The following ZBTB49 variants were observed in gnomAD, a reference collection of about 807,000 sequenced individuals.
The protein encoded by ZBTB49 is zinc finger and BTB domain-containing protein 49.
A neutral mutation model predicts 57.5 loss-of-function variants in ZBTB49; 43 were observed. The observed-to-expected ratio is 0.75, with a 90% CI of 0.59 to 0.97. ZBTB49 has a LOEUF of 0.97. Among genes scored for constraint, ZBTB49 ranks in the 50% least tolerant of loss-of-function variants. The pLI, the probability that ZBTB49 is intolerant of heterozygous loss-of-function variation, is 0.00. For missense variants in ZBTB49, 938 were observed against 947.7 expected, an observed-to-expected ratio of 0.99 and a Z score of 0.13; for synonymous variants, 369 against 362.1, an observed-to-expected ratio of 1.02 and a Z score of -0.22.
At chr4:4,320,533 G>C in intron 7 of ZBTB49, 107 bp from the exon 8 acceptor site, 2 of 1,416,952 alleles carry the variant, frequency 1.4e-6, no homozygotes, top group South Asian at 2.6e-5. Flanking sequence ...CCAGCTACTT[G>C]AGAGGCTGAG....
chr4:4,320,618 A>T, intron 7 of ZBTB49, 22 bp from the exon 8 acceptor site: 2 of 1,613,164 alleles, frequency 1.2e-6, no homozygotes, highest in South Asian at 2.2e-5. Flanking sequence ...AAGTAAATAA[A>T]TAACTGTTTT....
chr4:4,320,331 G>A (rs948028380), intron 7 of ZBTB49, among the ~76,000 whole-genome samples: 1 of 152,228 alleles, frequency 6.6e-6, no homozygotes, highest in African/African-American at 2.4e-5. Flanking sequence ...GCCTTCCAGA[G>A]TGAGCAGAAG....
chr4:4,295,731 G>A (rs570026091), intron 1 of ZBTB49, among the ~76,000 whole-genome samples: 2 of 152,120 alleles, frequency 1.3e-5, no homozygotes. Flanking sequence ...TTTTCTCTGA[G>A]TCTCACTTTG....
At position 4,312,954 on chromosome 4, in the gene ZBTB49, ATG is replaced by A. The variant is rs1188898855; in HGVS notation, c.1303-83_1303-82del. The A allele has an allele frequency of 1.6e-5, 22 of 1,389,428 alleles. No homozygotes were observed. In the African/African-American group the frequency reaches 2.3e-4, roughly 15 times the overall value. 86.1% of individuals were successfully genotyped at this position (1,389,428 alleles called of 1,614,324 possible). ...GGAATTTGAATTGGAACCTGGCTAA[ATG>A]TGTCAGTTTTCCTTTTGAATTTATA... On this transcript the variant is annotated intron_variant, in intron 4 of 7. Transcript: ENST00000337872.
chr4:4,315,159 C>T (rs997932423), intron 5 of ZBTB49, among the ~76,000 whole-genome samples: 8 of 152,328 alleles, frequency 5.3e-5, no homozygotes, highest in African/African-American at 1.9e-4. Context: ...TCGCACCTGG[C>T]TAGACCAGGG....
intron 4 of ZBTB49, among the ~76,000 whole-genome samples, chr4:4,312,132 T>C (rs1577244626): frequency 6.6e-6 from 1 of 152,332 alleles, no homozygotes; most frequent in East Asian, 1.9e-4. Flanking sequence ...TTTTTACCGC[T>C]GGGTATATTA....
At chr4:4,292,188 G>T (rs1448958187) in intron 1 of ZBTB49, among the ~76,000 whole-genome samples, 1 of 152,184 alleles carries the variant, frequency 6.6e-6, no homozygotes, top group East Asian at 1.9e-4. Context: ...GGCTGAGGCA[G>T]AAGAATCGCT....
chr4:4,300,694 T>A (rs1187627211), intron 2 of ZBTB49, among the ~76,000 whole-genome samples: 2 of 151,808 alleles, frequency 1.3e-5, no homozygotes, highest in African/African-American at 4.8e-5. Flanking sequence ...GGTGGAAGGA[T>A]CCCTTGAGCA....
At chr4:4,291,012 C>G (rs760549608) in intron 1 of ZBTB49, among the ~76,000 whole-genome samples, 11 of 152,172 alleles carry the variant, frequency 7.2e-5, no homozygotes, top group Non-Finnish European at 1.6e-4. Flanking sequence ...GTGTTTGTTG[C>G]TTAAATGAAT....
intron 7 of ZBTB49, among the ~76,000 whole-genome samples, chr4:4,319,605 A>T (rs1721325472): frequency 6.6e-6 from 1 of 152,028 alleles, no homozygotes; most frequent in African/African-American, 2.4e-5. Flanking sequence ...CTGATCACTT[A>T]AGGCCAGGAG....
In ZBTB49 at chr4:4,321,399, T is replaced by C. The variant is rs1721412149; in HGVS notation, c.*83T>C. 1.4e-6 allele frequency: 2 copies of C among 1,395,414 alleles called. No homozygotes were observed. Among genetic ancestry groups the C allele is most frequent in the Non-Finnish European group, 2.0e-6 (2 of 1,018,434 alleles). The allele number at this position is 1,395,414 out of a possible 1,614,324, so 86.4% of individuals were successfully genotyped here. A position where few individuals can be genotyped will look rare whatever the true frequency, so the allele number is the denominator to read the frequency against. On this transcript the variant is annotated 3_prime_UTR_variant, in exon 8 of 8. Coordinates refer to ENST00000337872, the MANE Select transcript of ZBTB49 (RefSeq NM_145291.4). ...GCTGTAGGAGGACCCAGTTTCCCCA[T>C]GACAGTGCCTTCTAACTAGCCAGAG...
intron 1 of ZBTB49, among the ~76,000 whole-genome samples, chr4:4,293,100 A>T (rs901487173): frequency 2.6e-5 from 4 of 152,300 alleles, no homozygotes; most frequent in South Asian, 2.1e-4. Context: ...ATAGATGAAA[A>T]ACTGAGGCCC....
At chr4:4,292,568 C>T (rs1170897265) in intron 1 of ZBTB49, among the ~76,000 whole-genome samples, 1 of 152,170 alleles carries the variant, frequency 6.6e-6, no homozygotes, top group Non-Finnish European at 1.5e-5. Context: ...ATTGGCCTTC[C>T]CAGTATGATA....
chr4:4,310,707 G>C (rs530234894), intron 4 of ZBTB49, among the ~76,000 whole-genome samples: 2 of 149,092 alleles, frequency 1.3e-5, no homozygotes, highest in African/African-American at 5.0e-5. Flanking sequence ...TTTTAGTAGA[G>C]ACGGGGTTTC....
intron 1 of ZBTB49, among the ~76,000 whole-genome samples, chr4:4,293,168 C>T (rs1246849837): frequency 6.6e-6 from 1 of 152,226 alleles, no homozygotes; most frequent in Non-Finnish European, 1.5e-5. Flanking sequence ...AGACACTCTG[C>T]TAGGCACCAG....
chr4:4,294,749 A>G (rs565506633), intron 1 of ZBTB49, among the ~76,000 whole-genome samples: 1 of 152,046 alleles, frequency 6.6e-6, no homozygotes, highest in East Asian at 1.9e-4. Flanking sequence ...TTCCTTTATC[A>G]CTTCTATAGA....
At position 4,320,618 on chromosome 4, in the gene ZBTB49, ATAAC is replaced by A. The variant is rs759222616; in HGVS notation, c.1622-20_1622-17del. On this transcript the variant is annotated intron_variant, in intron 7 of 7. Coordinates refer to ENST00000337872, the MANE Select transcript of ZBTB49 (RefSeq NM_145291.4). ...AGTGAGACCCTGTTTAAGTAAATAA[ATAAC>A]TGTTTTTCTTTTTCCAGGGAAATGT... 21 of 1,613,046 alleles carry A rather than the reference ATAAC, an allele frequency of 1.3e-5. No homozygotes were observed. In the East Asian group the frequency reaches 1.6e-4, roughly 12 times the overall value.
chr4:4,295,304 TG>T (rs1439201092), intron 1 of ZBTB49, among the ~76,000 whole-genome samples: 1 of 151,008 alleles, frequency 6.6e-6, no homozygotes, highest in African/African-American at 2.4e-5. Flanking sequence ...GAGAACCGGG[TG>T]GGGGGAGCAG....
chr4:4,304,288 C>T, intron 3 of ZBTB49, among the ~76,000 whole-genome samples: 1 of 150,004 alleles, frequency 6.7e-6, no homozygotes, highest in East Asian at 2.0e-4. Flanking sequence ...TGCAGTGGCA[C>T]AATCTCGGCT....
Sources: allele counts gnomAD v4.1 joint callset (sites outside exome capture counted in the v4.1 genomes callset), GRCh38; gene constraint gnomAD v4.1.1; transcripts MANE v1.5; gene names NCBI Gene and HGNC (gene_info 2026-07-23, HGNC 2026-07-21).